Variants in PLS1 observed in about 807,000 individuals in gnomAD.
PLS1 encodes plastin-1.
A neutral mutation model predicts 73.7 loss-of-function variants in PLS1; 32 were observed. The observed-to-expected ratio is 0.43, with a 90% CI of 0.33 to 0.58. PLS1 has a LOEUF of 0.58. Ranked by LOEUF, PLS1 falls within the 20% of genes least tolerant of loss-of-function variation. The probability of loss-of-function intolerance (pLI) is 0.04; values close to 1 mark genes in which losing one functional copy is unlikely to be tolerated. For missense variants in PLS1, 633 were observed against 740.5 expected (o/e 0.85, Z 1.68); for synonymous variants, 217 against 261.3 (o/e 0.83, Z 1.63).
At chr3:142,637,632 G>T (rs879574818) in intron 1 of PLS1, among the ~76,000 whole-genome samples, 1 of 152,112 alleles carries the variant, frequency 6.6e-6, no homozygotes, top group Non-Finnish European at 1.5e-5. Context: ...ATATTCAAAG[G>T]TGGATAGTTT....
At chr3:142,696,073 C>T (rs1033257740) in intron 11 of PLS1, among the ~76,000 whole-genome samples, 1 of 152,204 alleles carries the variant, frequency 6.6e-6, no homozygotes, top group African/African-American at 2.4e-5. Flanking sequence ...GGATTACAGG[C>T]GTGGGCCACC....
At chr3:142,655,807 T>A (rs1347092757) in intron 1 of PLS1, among the ~76,000 whole-genome samples, 1 of 152,054 alleles carries the variant, frequency 6.6e-6, no homozygotes, top group Non-Finnish European at 1.5e-5. Flanking sequence ...TGTTCCTGGC[T>A]TAACACTTCA....
chr3:142,682,409 A>T (rs1198410662), intron 6 of PLS1, among the ~76,000 whole-genome samples: 1 of 152,234 alleles, frequency 6.6e-6, no homozygotes, highest in African/African-American at 2.4e-5. Context: ...AGGATAGCAC[A>T]CAAGGTCATA....
chr3:142,600,916 ATTTTTTTT>A (rs1170933037), intron 1 of PLS1, among the ~76,000 whole-genome samples: 2 of 14,836 alleles, frequency 1.3e-4, no homozygotes, highest in African/African-American at 2.8e-4. Context: ...ATATATATAT[ATTTTTTTT>A]TTTTTTTTTT....
intron 1 of PLS1, among the ~76,000 whole-genome samples, chr3:142,641,202 T>A (rs1051783286): frequency 6.2e-5 from 9 of 145,746 alleles, no homozygotes; most frequent in African/African-American, 2.2e-4. Flanking sequence ...CTGTCTATAT[T>A]ATATCTATAT....
intron 11 of PLS1, among the ~76,000 whole-genome samples, chr3:142,695,303 G>A (rs763848489): frequency 2.8e-4 from 42 of 152,136 alleles, no homozygotes; most frequent in Admixed American, 6.6e-4. Flanking sequence ...GTCACAACAG[G>A]CCAAGTTCAC....
intron 1 of PLS1, among the ~76,000 whole-genome samples, chr3:142,654,176 AG>A: frequency 6.6e-6 from 1 of 152,242 alleles, no homozygotes; most frequent in East Asian, 1.9e-4. Flanking sequence ...GTGGTGAGGC[AG>A]TAGGGAGGGG....
intron 1 of PLS1, among the ~76,000 whole-genome samples, chr3:142,649,779 C>G (rs2037042806): frequency 6.6e-6 from 1 of 152,140 alleles, no homozygotes; most frequent in Non-Finnish European, 1.5e-5. Flanking sequence ...GTGGGAGCAA[C>G]TATAAACTGA....
intron 1 of PLS1, among the ~76,000 whole-genome samples, chr3:142,615,667 A>G (rs1345612337): frequency 6.6e-6 from 1 of 152,078 alleles, no homozygotes; most frequent in Non-Finnish European, 1.5e-5. Flanking sequence ...TCCCAGGGAA[A>G]CCTAGTGAAC....
In PLS1 at chr3:142,704,094, CAG is replaced by C. The variant is rs1237736216; in HGVS notation, c.1505+95_1505+96del. ...AGCTATTTTTGAACAATAATGAACA[CAG>C]AAGAAATATACAATGCAAAATATTT... On this transcript the variant is annotated intron_variant, in intron 13 of 15. Transcript: ENST00000457734. 6 of 1,006,470 alleles carry C rather than the reference CAG, an allele frequency of 6.0e-6. No homozygotes were observed. The East Asian group carries it at 1.5e-4, about 25-fold the overall frequency. The allele number at this position is 1,006,470 out of a possible 1,614,324, so 62.3% of individuals were successfully genotyped here. A position where few individuals can be genotyped will look rare whatever the true frequency, so the allele number is the denominator to read the frequency against.
chr3:142,657,265 T>TG (rs1298408997), intron 1 of PLS1: 1 of 152,236 alleles, frequency 6.6e-6, no homozygotes, highest in East Asian at 1.9e-4. Flanking sequence ...TTCCTCCCTG[T>TG]GGGGGCAATC....
At chr3:142,659,600 TA>T (rs1368146510) in intron 1 of PLS1, among the ~76,000 whole-genome samples, 1 of 151,942 alleles carries the variant, frequency 6.6e-6, no homozygotes, top group Non-Finnish European at 1.5e-5. Context: ...TAATGAAGAG[TA>T]AGCCTCTTCC....
At chr3:142,598,990 GA>G (rs2035862588) in intron 1 of PLS1, among the ~76,000 whole-genome samples, 2 of 150,852 alleles carry the variant, frequency 1.3e-5, no homozygotes, top group African/African-American at 2.4e-5. Flanking sequence ...GACAGTGCAA[GA>G]CTGCATCTGA....
chr3:142,677,992 C>T, intron 5 of PLS1, 40 bp from the exon 6 acceptor site: 1 of 955,594 alleles, frequency 1.0e-6, no homozygotes, highest in South Asian at 1.6e-5. Flanking sequence ...AAAAAAATTT[C>T]TTGGAGTATT....
chr3:142,638,042 G>A (rs2036735865), intron 1 of PLS1, among the ~76,000 whole-genome samples: 1 of 152,070 alleles, frequency 6.6e-6, no homozygotes, highest in African/African-American at 2.4e-5. Flanking sequence ...GGGCCCAGGG[G>A]ATCCCTTTTC....
intron 2 of PLS1, among the ~76,000 whole-genome samples, chr3:142,668,465 T>C (rs2037523835): frequency 6.6e-6 from 1 of 152,164 alleles, no homozygotes; most frequent in South Asian, 2.1e-4. Flanking sequence ...AGAACACAAA[T>C]GCCTTATGCG....
intron 1 of PLS1, among the ~76,000 whole-genome samples, chr3:142,647,473 C>A (rs2108628119): frequency 6.6e-6 from 1 of 151,206 alleles, no homozygotes; most frequent in South Asian, 2.1e-4. Context: ...TTGTAGTCTG[C>A]CTGTTCATTT....
At chr3:142,662,767 A>T (rs2037398609) in intron 1 of PLS1, among the ~76,000 whole-genome samples, 1 of 152,252 alleles carries the variant, frequency 6.6e-6, no homozygotes, top group Non-Finnish European at 1.5e-5. Context: ...CAAATAAGTT[A>T]TGATATAGTA....
chr3:142,653,364 CTT>C (rs34669181), intron 1 of PLS1, among the ~76,000 whole-genome samples: 6,795 of 132,198 alleles, frequency 0.051, 169 homozygotes, highest in African/African-American at 0.082. Context: ...AGGTCAGAAA[CTT>C]TTTTTTTTTT....
Sources: gnomAD v4.1 joint callset for allele counts (sites outside exome capture counted in the v4.1 genomes callset) on GRCh38, gnomAD v4.1.1 for gene constraint, MANE v1.5 for transcripts, NCBI Gene and HGNC (gene_info 2026-07-23, HGNC 2026-07-21) for gene names.